The following FAT3 variants were observed in gnomAD, a reference collection of about 807,000 sequenced individuals.
FAT3 encodes the protein FAT atypical cadherin 3, also known as protocadherin Fat 3.
In FAT3, 95 loss-of-function variants were observed where a neutral mutation model predicts 310.2. The observed-to-expected ratio is 0.31, with a 90% confidence interval of 0.26 to 0.36. FAT3 has a LOEUF of 0.36. Among genes scored for constraint, FAT3 ranks in the 10% least tolerant of loss-of-function variants. The pLI, the probability that FAT3 is intolerant of heterozygous loss-of-function variation, is 1.00. For synonymous variants in FAT3, 2,314 were observed against 2,192.9 expected (o/e 1.06, Z -1.54); for missense variants, 5,408 against 5,715.6 (o/e 0.95, Z 1.74).
At chr11:92,771,393 C>G (rs540560667) in intron 6 of FAT3, among the ~76,000 whole-genome samples, 1 of 152,056 alleles carries the variant, frequency 6.6e-6, no homozygotes, top group Non-Finnish European at 1.5e-5. Context: ...GATATGGAGT[C>G]GTTTATGAAA....
At chr11:92,288,544 C>T (rs1475479367) in intron 1 of FAT3, among the ~76,000 whole-genome samples, 1 of 152,050 alleles carries the variant, frequency 6.6e-6, no homozygotes, top group Non-Finnish European at 1.5e-5. Flanking sequence ...TATGCCTTTC[C>T]TCATCTTAAA....
Position 92,883,905 on chromosome 11 carries a change from T to C in FAT3, c.12937+512T>C, listed in dbSNP as rs143732574. On this transcript the variant is annotated intron_variant, in intron 24 of 27. Coordinates refer to ENST00000525166, the MANE Select transcript of FAT3 (RefSeq NM_001367949.2). The surrounding 1 kb of genome is among the most constrained non-coding windows in gnomAD (Gnocchi z 4.2). ...TGAGAGAAGCAGAGGGACACTTCAA[T>C]TGGACCATGATGAGTTAAAGAGTCT... 9.9e-4 allele frequency among the ~76,000 whole-genome samples: 150 copies of C among 152,274 alleles called. 3 individuals are homozygous for C. The East Asian group carries it at 0.015, about 16-fold the overall frequency.
intron 21 of FAT3, among the ~76,000 whole-genome samples, chr11:92,863,734 CA>C (rs1949173382): frequency 6.6e-6 from 1 of 152,124 alleles, no homozygotes; most frequent in South Asian, 2.1e-4. Flanking sequence ...TAGGTGAACC[CA>C]ACTCTGAAGA....
chr11:92,682,170 A>G (rs1943499564), intron 3 of FAT3, among the ~76,000 whole-genome samples: 2 of 152,338 alleles, frequency 1.3e-5, no homozygotes, highest in African/African-American at 4.8e-5. Flanking sequence ...GCTAAGATTC[A>G]ATCTCCTCAA....
intron 1 of FAT3, among the ~76,000 whole-genome samples, chr11:92,320,705 T>G (rs12799797): frequency 0.12 from 18,722 of 151,772 alleles, 1,187 homozygotes; most frequent in South Asian, 0.18. Context: ...CCATCTCTAC[T>G]AAATACAAAA....
At chr11:92,536,262 A>T (rs1278574185) in intron 3 of FAT3, among the ~76,000 whole-genome samples, 1 of 152,236 alleles carries the variant, frequency 6.6e-6, no homozygotes, top group Non-Finnish European at 1.5e-5. Flanking sequence ...TATTGATAGC[A>T]GTCCTGTTGC....
In FAT3 at chr11:92,891,360, A is replaced by C. The variant is rs959267181; in HGVS notation, c.*247A>C. Reference sequence around the variant, plus strand: ...CCTTGATGTAGGTACCTATGTTCACAGCTAAAAATGCAAAGAGGGAAAAAT... The same window carrying C: ...CCTTGATGTAGGTACCTATGTTCACCGCTAAAAATGCAAAGAGGGAAAAAT... On this transcript the variant is annotated 3_prime_UTR_variant, in exon 28 of 28. Transcript: ENST00000525166. 1.8e-6 allele frequency: 1 copy of C among 546,358 alleles called. No individual in the cohort carries two copies. Among genetic ancestry groups the C allele is most frequent in the African/African-American group, 1.9e-5 (1 of 52,742 alleles). The allele number at this position is 546,358 out of a possible 1,614,324, so 33.8% of individuals were successfully genotyped here.
chr11:92,836,469 C>T (rs1220779287), intron 15 of FAT3, 97 bp from the exon 16 acceptor site: 2 of 1,386,310 alleles, frequency 1.4e-6, no homozygotes, highest in Non-Finnish European at 1.9e-6. Context: ...AGAAAACTGT[C>T]ACAGCTGCAC....
intron 3 of FAT3, among the ~76,000 whole-genome samples, chr11:92,575,024 C>T (rs2135515175): frequency 6.6e-6 from 1 of 152,290 alleles, no homozygotes; most frequent in South Asian, 2.1e-4. Context: ...CTCTCAGCCA[C>T]ACAAAACATT....
intron 23 of FAT3, among the ~76,000 whole-genome samples, chr11:92,881,866 T>C (rs1361862887): frequency 6.6e-6 from 1 of 152,232 alleles, no homozygotes; most frequent in African/African-American, 2.4e-5. Context: ...TAGAATGCTT[T>C]AGTCATTCTT....
intron 3 of FAT3, among the ~76,000 whole-genome samples, chr11:92,677,478 A>C (rs530988365): frequency 6.6e-6 from 1 of 152,246 alleles, no homozygotes; most frequent in East Asian, 1.9e-4. Context: ...TGATGGCAGC[A>C]GTTACATCCA....
intron 2 of FAT3, among the ~76,000 whole-genome samples, chr11:92,512,991 G>A (rs1361383121): frequency 2.0e-5 from 2 of 98,852 alleles, no homozygotes; most frequent in Admixed American, 1.1e-4. Flanking sequence ...GCGTGGTAGC[G>A]GGCGCCTGTA....
chr11:92,441,677 A>G (rs1320515564), intron 2 of FAT3, among the ~76,000 whole-genome samples: 1 of 152,162 alleles, frequency 6.6e-6, no homozygotes, highest in Non-Finnish European at 1.5e-5. Flanking sequence ...AAACTAAACA[A>G]TTAGAGGAGT....
intron 6 of FAT3, 75 bp from the exon 7 acceptor site, chr11:92,773,966 C>T (rs1013877249): frequency 1.4e-4 from 215 of 1,542,572 alleles, no homozygotes; most frequent in Non-Finnish European, 1.8e-4. Context: ...TAAGAGCTCC[C>T]TTTAAAGATA....
chr11:92,720,281 TGA>T (rs1440369138), intron 4 of FAT3, among the ~76,000 whole-genome samples: 4 of 152,228 alleles, frequency 2.6e-5, no homozygotes, highest in African/African-American at 9.6e-5. Flanking sequence ...TTAATATCTT[TGA>T]ATCTCTGGGA....
At chr11:92,228,981 G>A (rs1350692895) in intron 1 of FAT3, among the ~76,000 whole-genome samples, 2 of 152,174 alleles carry the variant, frequency 1.3e-5, no homozygotes, top group Non-Finnish European at 2.9e-5. Flanking sequence ...GCTGAAGAAG[G>A]ACTATTGATG....
At chr11:92,653,112 T>C (rs1051647255) in intron 3 of FAT3, among the ~76,000 whole-genome samples, 11 of 152,184 alleles carry the variant, frequency 7.2e-5, no homozygotes, top group Admixed American at 6.5e-4. Flanking sequence ...TGAGCTGAGA[T>C]TGTGCCATTG....
At chr11:92,328,478 G>A (rs188244993) in intron 1 of FAT3, among the ~76,000 whole-genome samples, 5 of 152,334 alleles carry the variant, frequency 3.3e-5, no homozygotes, top group African/African-American at 1.2e-4. Flanking sequence ...GAACTAAGTA[G>A]TGATATCCTC....
Position 92,801,000 on chromosome 11 carries a change from A to C in FAT3, c.7987A>C (p.Lys2663Gln). 1.9e-6 allele frequency: 3 copies of C among 1,613,558 alleles called. No homozygotes were observed. Among genetic ancestry groups the C allele is most frequent in the Non-Finnish European group, 2.5e-6 (3 of 1,179,740 alleles). ...TCCTGACAATGGCTGGATGGTCACA[A>C]AGGGTAATTTTAACCAGCTGAAAAA... ...IDPDNGWMVT[K>Q]GNFNQLKNTV... Residue 2663 changes from lysine (K) to glutamine (Q), a missense_variant, in exon 10 of 28, where the codon AAG becomes CAG. This residue lies in a region of FAT3 where 4,588 missense variants were observed against 4,809.8 expected (regional missense o/e 0.95). Coordinates refer to ENST00000525166, the MANE Select transcript of FAT3 (RefSeq NM_001367949.2).
Sources: gnomAD v4.1 joint callset for allele counts (sites outside exome capture counted in the v4.1 genomes callset) on GRCh38, gnomAD v4.1.1 for gene constraint, gnomAD v4.1.1 regional missense constraint, Gnocchi (gnomAD v3.1) non-coding constraint, MANE v1.5 for transcripts, NCBI Gene and HGNC (gene_info 2026-07-23, HGNC 2026-07-21) for gene names.